The following GALNTL5 variants were observed in gnomAD, a reference collection of about 807,000 sequenced individuals.
GALNTL5 encodes the protein polypeptide N-acetylgalactosaminyltransferase like 5, also known as inactive polypeptide N-acetylgalactosaminyltransferase-like protein 5.
Under a neutral mutation model 51.0 loss-of-function variants are expected in GALNTL5, and 44 were observed. The observed-to-expected ratio is 0.86, with a 90% CI of 0.68 to 1.11. The LOEUF is 1.11. Ranked by LOEUF, GALNTL5 falls within the 50% of genes least tolerant of loss-of-function variation. GALNTL5 has a pLI of 0.00. For missense variants in GALNTL5, 528 were observed against 531.8 expected, an observed-to-expected ratio of 0.99 and a Z score of 0.07; for synonymous variants, 192 against 182.8, an observed-to-expected ratio of 1.05 and a Z score of -0.41.
intron 8 of GALNTL5, among the ~76,000 whole-genome samples, chr7:152,015,422 C>T (rs1040795891): frequency 1.3e-5 from 2 of 149,674 alleles, no homozygotes; most frequent in African/African-American, 2.5e-5. Context: ...TGCAGTGGCG[C>T]GATCTCAGCT....
rs111895549 is a variant in GALNTL5 at position 151,964,572 on chromosome 7, G to C, written c.-39-2636G>C. Among the ~76,000 whole-genome samples, 476 of 152,222 alleles carry C rather than the reference G, an allele frequency of 3.1e-3. 5 individuals carry two copies. Among genetic ancestry groups the C allele is most frequent in the African/African-American group, 0.011 (465 of 41,536 alleles). ...GTGGCTTGCTCCTCCTTGCCTTCCA[G>C]CCTGATTGTGAGGCCTCCCCAGCCA... On this transcript the variant is annotated intron_variant, in intron 1 of 8. Coordinates refer to ENST00000392800, the MANE Select transcript of GALNTL5 (RefSeq NM_145292.4).
chr7:151,959,638 A>T (rs1341392653), intron 1 of GALNTL5, among the ~76,000 whole-genome samples: 2 of 152,094 alleles, frequency 1.3e-5, no homozygotes, highest in Non-Finnish European at 2.9e-5. Context: ...TCCCATATAT[A>T]CACCCTGCGT....
At chr7:151,968,106 G>A (rs1275935997) in intron 2 of GALNTL5, among the ~76,000 whole-genome samples, 1 of 151,958 alleles carries the variant, frequency 6.6e-6, no homozygotes, top group Non-Finnish European at 1.5e-5. Context: ...GACCTGCCTG[G>A]GGAACATAGC....
chr7:151,956,898 T>A (rs1306099457), intron 1 of GALNTL5, among the ~76,000 whole-genome samples: 4 of 152,142 alleles, frequency 2.6e-5, no homozygotes, highest in African/African-American at 7.2e-5. Context: ...ATACAGTGAC[T>A]GTATTACTTA....
Position 151,983,109 on chromosome 7 carries a change from T to C in GALNTL5, c.492T>C (p.Tyr164=). Residue 164 remains tyrosine (Y), a synonymous_variant, in exon 4 of 9, where the codon TAT becomes TAC. Transcript: ENST00000392800. ...MSSVTNLTPH[Y]FLEEIILVDD... ...GTGTCACGAACCTCACGCCACACTA[T>C]TTTCTTGAAGAAATTATTTTGGTAG... The C allele has an allele frequency of 1.2e-6, 2 of 1,614,144 alleles. No individual in the cohort carries two copies. The highest frequency in any genetic ancestry group is 1.7e-6 in the Non-Finnish European group (2 of 1,179,994).
intron 3 of GALNTL5, among the ~76,000 whole-genome samples, chr7:151,981,789 G>A (rs182939879): frequency 1.6e-4 from 24 of 149,288 alleles, no homozygotes; most frequent in Non-Finnish European, 2.4e-4. Context: ...CTGGAACTAC[G>A]AGTGCGTGCC....
chr7:151,994,376 AT>A (rs942556821), intron 5 of GALNTL5, among the ~76,000 whole-genome samples: 20 of 151,958 alleles, frequency 1.3e-4, no homozygotes, highest in African/African-American at 4.6e-4. Flanking sequence ...TTTTCACGTG[AT>A]GTTCATGTGC....
intron 5 of GALNTL5, among the ~76,000 whole-genome samples, chr7:151,989,693 A>G (rs2081402806): frequency 6.6e-6 from 1 of 152,220 alleles, no homozygotes; most frequent in South Asian, 2.1e-4. Context: ...CCAATTAACA[A>G]TCTCATCACA....
At chr7:151,958,743 C>G (rs1323300666) in intron 1 of GALNTL5, among the ~76,000 whole-genome samples, 5 of 152,302 alleles carry the variant, frequency 3.3e-5, no homozygotes, top group African/African-American at 9.6e-5. Flanking sequence ...TTGCACCCAT[C>G]ATTCGGTGGG....
At chr7:151,995,909 C>T (rs1343159274) in intron 5 of GALNTL5, among the ~76,000 whole-genome samples, 3 of 152,200 alleles carry the variant, frequency 2.0e-5, no homozygotes, top group Non-Finnish European at 4.4e-5. Context: ...AGATTAGAGA[C>T]TGGCTCTAGG....
rs1563017643 is a variant in GALNTL5, at chr7:151,995,347, AATTTTTTTTT to A, written c.659-7366_659-7357del. The A allele has an allele frequency of 2.5e-4, 23 of 91,050 alleles. 2 individuals carry two copies. The highest frequency in any genetic ancestry group is 4.3e-4 in the South Asian group (1 of 2,328). The allele number at this position is 91,050 out of a possible 1,614,324, so 5.6% of individuals were successfully genotyped here. A position where few individuals can be genotyped will look rare whatever the true frequency, so the allele number is the denominator to read the frequency against. Reference sequence around the variant, plus strand: ...AAGAAATCTACGATCAGTTGGTATGAATTTTTTTTTTTTTTTTTTTTTTTTTTTTTTTTTT... The same window carrying A: ...AAGAAATCTACGATCAGTTGGTATGATTTTTTTTTTTTTTTTTTTTTTTTT... On this transcript the variant is annotated intron_variant, in intron 5 of 8. Coordinates refer to ENST00000392800, the MANE Select transcript of GALNTL5 (RefSeq NM_145292.4).
intron 3 of GALNTL5, among the ~76,000 whole-genome samples, chr7:151,975,555 A>G (rs2081194879): frequency 6.6e-6 from 1 of 151,476 alleles, no homozygotes; most frequent in African/African-American, 2.4e-5. Flanking sequence ...CCTAATCTCT[A>G]TTTCATTTAT....
intron 5 of GALNTL5, among the ~76,000 whole-genome samples, chr7:151,988,991 C>A (rs980228475): frequency 6.6e-6 from 1 of 151,568 alleles, no homozygotes; most frequent in South Asian, 2.1e-4. Context: ...TGAGCCACCA[C>A]GACTGGCCTG....
intron 6 of GALNTL5, among the ~76,000 whole-genome samples, chr7:152,005,629 T>C (rs1490674545): frequency 6.6e-6 from 1 of 152,126 alleles, no homozygotes; most frequent in Non-Finnish European, 1.5e-5. Flanking sequence ...AAGGACCTAC[T>C]AAACCAATCT....
intron 3 of GALNTL5, among the ~76,000 whole-genome samples, chr7:151,971,806 A>G (rs996782122): frequency 6.6e-6 from 1 of 151,772 alleles, no homozygotes; most frequent in African/African-American, 2.4e-5. Context: ...TTTTAAAAGT[A>G]GCAGTTTCCC....
chr7:151,988,536 C>T (rs988962920), intron 5 of GALNTL5, among the ~76,000 whole-genome samples: 2 of 152,072 alleles, frequency 1.3e-5, no homozygotes, highest in African/African-American at 4.8e-5. Flanking sequence ...TTGCCCTGGT[C>T]GGTGGACACA....
chr7:152,004,901 C>G (rs1170667442), intron 6 of GALNTL5, among the ~76,000 whole-genome samples: 1 of 152,164 alleles, frequency 6.6e-6, no homozygotes, highest in Non-Finnish European at 1.5e-5. Context: ...GTGAATAGTG[C>G]TGTGATAAAC....
At chr7:152,019,609 G>T in intron 8 of GALNTL5, 37 bp from the exon 9 acceptor site, 1 of 1,578,570 alleles carries the variant, frequency 6.3e-7, no homozygotes, top group South Asian at 1.1e-5. Context: ...AGATTTGTTT[G>T]GTTGAACGTA....
intron 2 of GALNTL5, among the ~76,000 whole-genome samples, chr7:151,970,132 G>C (rs1481007545): frequency 1.5e-5 from 2 of 132,872 alleles, no homozygotes; most frequent in African/African-American, 5.3e-5. Context: ...TCTTTGGTGG[G>C]TGGGGAGGGG....
Sources: allele counts gnomAD v4.1 joint callset (sites outside exome capture counted in the v4.1 genomes callset), GRCh38; gene constraint gnomAD v4.1.1; transcripts MANE v1.5; gene names NCBI Gene and HGNC (gene_info 2026-07-23, HGNC 2026-07-21).